Variants in CLYBL observed in about 807,000 individuals in gnomAD.
The protein encoded by CLYBL is citramalyl-CoA lyase, mitochondrial.
Under a neutral mutation model 38.9 loss-of-function variants are expected in CLYBL, and 31 were observed. The observed-to-expected ratio is 0.80, with a 90% confidence interval of 0.60 to 1.08. The LOEUF is 1.08. Among genes scored for constraint, CLYBL ranks in the 50% least tolerant of loss-of-function variants. CLYBL has a pLI of 0.00. For missense variants in CLYBL, 434 were observed against 411.6 expected, an observed-to-expected ratio of 1.05 and a Z score of -0.47; for synonymous variants, 171 against 158.6, an observed-to-expected ratio of 1.08 and a Z score of -0.59.
chr13:99,895,809 C>G (rs543140932), downstream of CLYBL: 1 of 152,402 alleles, frequency 6.6e-6, no homozygotes, highest in Non-Finnish European at 1.5e-5. Context: ...ACTCGAACCC[C>G]GTTTCCGCCA....
intron 7 of CLYBL, among the ~76,000 whole-genome samples, chr13:99,878,074 C>T (rs934806892): frequency 1.3e-5 from 2 of 152,240 alleles, no homozygotes; most frequent in Admixed American, 1.3e-4. Context: ...GAAATAGGTA[C>T]ACGAAACACA....
chr13:99,734,718 A>G (rs1423593234), intron 1 of CLYBL, among the ~76,000 whole-genome samples: 2 of 152,166 alleles, frequency 1.3e-5, no homozygotes, highest in Non-Finnish European at 2.9e-5. Flanking sequence ...ACCAAATCCC[A>G]TGTACTGCCC....
chr13:99,699,648 G>A (rs139687086), intron 1 of CLYBL, among the ~76,000 whole-genome samples: 3,807 of 151,172 alleles, frequency 0.025, 155 homozygotes, highest in African/African-American at 0.087. Flanking sequence ...AGCCGAGATC[G>A]CGCCACCGTA....
chr13:99,836,769 C>G (rs2050944646), intron 2 of CLYBL, among the ~76,000 whole-genome samples: 1 of 152,044 alleles, frequency 6.6e-6, no homozygotes, highest in Non-Finnish European at 1.5e-5. Context: ...TTCTGTGGTC[C>G]TTGCTTAGCT....
chr13:99,872,185 G>T (rs1185446533), intron 7 of CLYBL, among the ~76,000 whole-genome samples: 4 of 152,014 alleles, frequency 2.6e-5, no homozygotes, highest in Non-Finnish European at 5.9e-5. Context: ...ATGCACACAT[G>T]GGCACACTCA....
At chr13:99,838,276 G>A (rs2050986455) in intron 2 of CLYBL, among the ~76,000 whole-genome samples, 1 of 152,084 alleles carries the variant, frequency 6.6e-6, no homozygotes. Flanking sequence ...GACATATTAG[G>A]CCAGCAATAT....
At chr13:99,885,110 G>T (rs765125098) in intron 7 of CLYBL, 1 of 529,426 alleles carries the variant, frequency 1.9e-6, no homozygotes, top group South Asian at 1.4e-5. Context: ...TCAAAGGTAC[G>T]TGAGGCCTGG....
chr13:99,756,844 G>A (rs1046553577), intron 1 of CLYBL, among the ~76,000 whole-genome samples: 1 of 152,152 alleles, frequency 6.6e-6, no homozygotes, highest in Admixed American at 6.6e-5. Context: ...TCTTCAAATG[G>A]ACATGCGCTT....
rs545476130 is a variant in CLYBL, at chr13:99,608,218, G to T, written c.62+1461G>T. Among the ~76,000 whole-genome samples, 3 of 152,006 alleles carry T rather than the reference G, an allele frequency of 2.0e-5. No individual in the cohort carries two copies. The South Asian group carries it at 6.2e-4, about 32-fold the overall frequency. Reference sequence around the variant, plus strand: ...TCCGGAGTAGTTGGGATTACAGGGCGTCCGCCACCATGCCCGGCTAATTTT... The same window carrying T: ...TCCGGAGTAGTTGGGATTACAGGGCTTCCGCCACCATGCCCGGCTAATTTT... On this transcript the variant is annotated intron_variant, in intron 1 of 8. Coordinates refer to ENST00000339105, the MANE Select transcript of CLYBL (RefSeq NM_206808.5).
At chr13:99,894,447 T>C (rs2052546432), downstream of CLYBL, 1 of 152,202 alleles carries the variant, frequency 6.6e-6, no homozygotes, top group Admixed American at 6.5e-5. Flanking sequence ...CCGTTATTAA[T>C]TCTTGGGGTC....
At chr13:99,779,345 G>A (rs765184698) in intron 2 of CLYBL, among the ~76,000 whole-genome samples, 4 of 152,094 alleles carry the variant, frequency 2.6e-5, no homozygotes, top group Non-Finnish European at 4.4e-5. Flanking sequence ...GTTTCACCAC[G>A]TTGGCCAGGC....
Position 99,732,104 on chromosome 13 carries a change from A to G in CLYBL, c.63-40720A>G, listed in dbSNP as rs769264870. Among the ~76,000 whole-genome samples, 8 of 139,740 alleles carry G rather than the reference A, an allele frequency of 5.7e-5. No individual in the cohort carries two copies. The South Asian group carries it at 1.8e-3, about 32-fold the overall frequency. 91.7% of individuals were successfully genotyped at this position (139,740 alleles called of 152,430 possible). On this transcript the variant is annotated intron_variant, in intron 1 of 8. Transcript: ENST00000339105. The stretch of plus-strand genomic sequence containing the variant: ...ACTGTTTCTTTTTTCTGGATGCATT[A>G]TGTTCTTTAAAGACTAGTGATTTTC...
chr13:99,733,390 G>A (rs1282941969), intron 1 of CLYBL, among the ~76,000 whole-genome samples: 7 of 152,142 alleles, frequency 4.6e-5, no homozygotes, highest in South Asian at 2.1e-4. Context: ...TGAACCCGTC[G>A]TAATTTGAAT....
At chr13:99,829,730 AAGGATC>A (rs1396204844) in intron 2 of CLYBL, among the ~76,000 whole-genome samples, 3 of 152,186 alleles carry the variant, frequency 2.0e-5, no homozygotes, top group Non-Finnish European at 4.4e-5. Flanking sequence ...GGGTACAGTG[AAGGATC>A]AGGAGCTGAA....
chr13:99,770,078 TTC>T (rs767331032), intron 1 of CLYBL, among the ~76,000 whole-genome samples: 20,756 of 122,990 alleles, frequency 0.17, 1,492 homozygotes, highest in East Asian at 0.22. Flanking sequence ...TTTCTTTTCT[TTC>T]TTTTTTTTTT....
At chr13:99,651,174 C>A (rs748573815) in intron 1 of CLYBL, among the ~76,000 whole-genome samples, 2 of 152,250 alleles carry the variant, frequency 1.3e-5, no homozygotes, top group Non-Finnish European at 2.9e-5. Context: ...GCTCTTTGTA[C>A]CCTGTGCTGT....
chr13:99,810,178 A>G (rs1425674406), intron 2 of CLYBL, among the ~76,000 whole-genome samples: 1 of 152,236 alleles, frequency 6.6e-6, no homozygotes, highest in African/African-American at 2.4e-5. Flanking sequence ...AGAGGTGGGG[A>G]AAGTAAGTGT....
intron 1 of CLYBL, among the ~76,000 whole-genome samples, chr13:99,620,838 AAAAG>A (rs148925117): frequency 0.37 from 53,357 of 143,006 alleles, 9,843 homozygotes; most frequent in Middle Eastern, 0.42. Flanking sequence ...GAAAGAAAGA[AAAAG>A]AAAGAAAGAA....
chr13:99,702,412 C>T (rs976239038), intron 1 of CLYBL, among the ~76,000 whole-genome samples: 3 of 152,128 alleles, frequency 2.0e-5, no homozygotes, highest in East Asian at 3.9e-4. Context: ...GGGTGGATCA[C>T]GTGAGGCCAG....
Sources: allele counts gnomAD v4.1 joint callset (sites outside exome capture counted in the v4.1 genomes callset), GRCh38; gene constraint gnomAD v4.1.1; transcripts MANE v1.5; gene names NCBI Gene and HGNC (gene_info 2026-07-23, HGNC 2026-07-21).